The following DUSP22 variants were observed in gnomAD, a reference collection of about 807,000 sequenced individuals.
The protein encoded by DUSP22 is dual specificity phosphatase 22, also known as dual specificity protein phosphatase 22.
A neutral mutation model predicts 24.5 loss-of-function variants in DUSP22; 24 were observed. That is an observed-to-expected ratio of 0.98 (90% CI 0.71 to 1.38). The LOEUF (loss-of-function observed/expected upper bound fraction) is 1.38, where lower values mean the gene tolerates loss of function less well. Ranked by LOEUF, DUSP22 falls within the 40% of genes most tolerant of loss-of-function variation. The pLI, the probability that DUSP22 is intolerant of heterozygous loss-of-function variation, is 0.00. For synonymous variants in DUSP22, 160 were observed against 106.4 expected, an observed-to-expected ratio of 1.50 and a Z score of -3.10; for missense variants, 330 against 269.2, an observed-to-expected ratio of 1.23 and a Z score of -1.58.
rs1435450625 is a variant in DUSP22, at chr6:351,295, T to G, written c.*2344T>G. 1 of 191,294 alleles carries G rather than the reference T, an allele frequency of 5.2e-6. No individual in the cohort carries two copies. Among genetic ancestry groups the G allele is most frequent in the Non-Finnish European group, 1.1e-5 (1 of 92,876 alleles). The allele number at this position is 191,294 out of a possible 1,614,324, so 11.8% of individuals were successfully genotyped here. On this transcript the variant is annotated 3_prime_UTR_variant, in exon 7 of 7. Transcript: ENST00000419235. ...TTTTATCTCTGGTTTGTGTTCTCCG[T>G]GGTGGAATTGACCGAAAGCTCTATG...
intron 3 of DUSP22, among the ~76,000 whole-genome samples, chr6:316,182 A>G (rs1289398243): frequency 6.6e-6 from 1 of 152,304 alleles, no homozygotes; most frequent in Non-Finnish European, 1.5e-5. Flanking sequence ...TGGTTCTCAC[A>G]TCATCTGTCA....
chr6:307,657 C>T (rs1454928811), intron 2 of DUSP22, among the ~76,000 whole-genome samples: 3 of 152,298 alleles, frequency 2.0e-5, no homozygotes, highest in Admixed American at 1.3e-4. Context: ...GGCTTCCTTA[C>T]AACTTGGCAC....
intron 3 of DUSP22, among the ~76,000 whole-genome samples, chr6:323,822 T>C (rs1436895446): frequency 2.0e-5 from 3 of 152,304 alleles, no homozygotes; most frequent in Admixed American, 6.5e-5. Context: ...CGGGGTAGAA[T>C]AGGTACAAAT....
chr6:347,810 A>G (rs1759953263), intron 5 of DUSP22, among the ~76,000 whole-genome samples: 1 of 152,306 alleles, frequency 6.6e-6, no homozygotes, highest in African/African-American at 2.4e-5. Context: ...AATGGGAAAG[A>G]CCTGAGGAGG....
At chr6:337,509 A>G (rs1417802760) in intron 4 of DUSP22, among the ~76,000 whole-genome samples, 1 of 152,304 alleles carries the variant, frequency 6.6e-6, no homozygotes, top group Non-Finnish European at 1.5e-5. Flanking sequence ...CAGGGGAGAC[A>G]GAGATATGCC....
In DUSP22 at chr6:333,765, C is replaced by G. The variant is rs570117858; in HGVS notation, c.139-1349C>G. Among the ~76,000 whole-genome samples the G allele has an allele frequency of 3.9e-5, 6 of 152,408 alleles. No homozygotes were observed. In the East Asian group the frequency reaches 1.2e-3, roughly 29 times the overall value. ...ACCTGCCCCGCAAAGAGCATGTGCT[C>G]TGCCCCCGCCCTGCGCCCACGAAGC... On this transcript the variant is annotated intron_variant, in intron 3 of 6. Transcript: ENST00000419235.
At chr6:329,048 G>C (rs992541829) in intron 3 of DUSP22, among the ~76,000 whole-genome samples, 32 of 152,298 alleles carry the variant, frequency 2.1e-4, no homozygotes, top group Non-Finnish European at 4.4e-4. Flanking sequence ...CACGCACCGA[G>C]CTGGGCTGCC....
In DUSP22 at chr6:350,356, A is replaced by G. The variant is rs1760137376; in HGVS notation, c.*1405A>G. On this transcript the variant is annotated 3_prime_UTR_variant, in exon 7 of 7. Transcript: ENST00000419235. The stretch of plus-strand genomic sequence containing the variant: ...ACGCAATTCAGTGGTCTAGTCCTTT[A>G]TACCGACTCAGATTCCTTAAGCATG... The G allele has an allele frequency of 9.4e-7, 1 of 1,060,322 alleles. No individual in the cohort carries two copies. The highest frequency in any genetic ancestry group is 1.1e-6 in the Non-Finnish European group (1 of 876,058). The allele number at this position is 1,060,322 out of a possible 1,614,324, so 65.7% of individuals were successfully genotyped here.
intron 5 of DUSP22, among the ~76,000 whole-genome samples, chr6:347,021 G>C (rs1248104311): frequency 9.8e-5 from 15 of 152,416 alleles, no homozygotes; most frequent in Admixed American, 9.1e-4. Context: ...CTTTTTTAAA[G>C]AGTAGAAAGT....
chr6:294,189 A>G (rs993297270), intron 1 of DUSP22, among the ~76,000 whole-genome samples: 3 of 152,284 alleles, frequency 2.0e-5, no homozygotes, highest in Non-Finnish European at 4.4e-5. Flanking sequence ...TATACTTTTT[A>G]CCTTTCAAAA....
intron 3 of DUSP22, among the ~76,000 whole-genome samples, chr6:330,220 C>T (rs1054899129): frequency 1.3e-5 from 2 of 152,302 alleles, no homozygotes; most frequent in African/African-American, 4.8e-5. Flanking sequence ...TTATTAGCAG[C>T]CAAAATGACG....
Position 349,057 on chromosome 6 carries a change from G to T in DUSP22, c.*106G>T. ...TGAGGACAGGAAAGGGAGATAGCCA[G>T]GGCGAGGTGGGGCGAGGGCTCCTTC... On this transcript the variant is annotated 3_prime_UTR_variant, in exon 7 of 7. Transcript: ENST00000419235. 1 of 1,484,266 alleles carries T rather than the reference G, an allele frequency of 6.7e-7. No homozygotes were observed. The highest frequency in any genetic ancestry group is 8.9e-7 in the Non-Finnish European group (1 of 1,117,342). 91.9% of individuals were successfully genotyped at this position (1,484,266 alleles called of 1,614,324 possible).
rs147464089 is a variant in DUSP22, at chr6:348,266, G to T, written c.427G>T (p.Val143Phe). ...GCTCCAGGAGTTTGAGAAGCATGAG[G>T]TCCATCAGGTAAGCAGTTCTTAGGG... is the stretch of plus-strand genomic sequence containing the variant. ...RQLQEFEKHE[V>F]HQYRQWLKEE... The change falls in exon 6 of 7, where the codon GTC (valine) becomes TTC (phenylalanine). Residue 143 changes from valine to phenylalanine, a missense_variant. Val to Phe is a conservative substitution (Grantham distance 50). Transcript: ENST00000419235. 6.2e-7 allele frequency: 1 copy of T among 1,614,220 alleles called. No individual in the cohort carries two copies. Among genetic ancestry groups the T allele is most frequent in the Admixed American group, 1.7e-5 (1 of 60,032 alleles).
chr6:342,444 C>T (rs1174118493), intron 4 of DUSP22, among the ~76,000 whole-genome samples: 1 of 152,310 alleles, frequency 6.6e-6, no homozygotes, highest in African/African-American at 2.4e-5. Flanking sequence ...CAGTCAGCTG[C>T]CCCAGCCTGT....
chr6:348,154 C>G lies in DUSP22; in HGVS notation c.315C>G (p.Thr105=). 6.2e-7 allele frequency: 1 copy of G among 1,614,294 alleles called. No individual in the cohort carries two copies. The highest frequency in any genetic ancestry group is 8.5e-7 in the Non-Finnish European group (1 of 1,180,056). Reference sequence around the variant, plus strand: ...CACTGGTGATCGCATACATCATGACCGTCACTGACTTTGGCTGGGAGGATG... The same window carrying G: ...CACTGGTGATCGCATACATCATGACGGTCACTGACTTTGGCTGGGAGGATG... ...SVTLVIAYIM[T]VTDFGWEDAL... The change falls in exon 6 of 7, where the codon ACC becomes ACG. Residue 105 remains threonine (T), a synonymous_variant. Coordinates refer to ENST00000419235, the MANE Select transcript of DUSP22 (RefSeq NM_001286555.3).
At chr6:346,080 T>C (rs1370762075) in intron 5 of DUSP22, 152 bp downstream of exon 5, 4 of 990,338 alleles carry the variant, frequency 4.0e-6, no homozygotes, top group Admixed American at 2.7e-5. Flanking sequence ...TGTCCAGCGC[T>C]GTGTGTTAGT....
intron 3 of DUSP22, among the ~76,000 whole-genome samples, chr6:322,842 G>T (rs1312839775): frequency 1.5e-4 from 22 of 144,072 alleles, no homozygotes; most frequent in Middle Eastern, 3.5e-3. Flanking sequence ...GGGCGGGGGG[G>T]GGCCTTCGAG....
Position 350,460 on chromosome 6 carries a change from C to A in DUSP22, c.*1509C>A, listed in dbSNP as rs1453506060. The A allele has an allele frequency of 1.7e-5, 20 of 1,147,924 alleles. No individual in the cohort carries two copies. Among genetic ancestry groups the A allele is most frequent in the South Asian group, 2.3e-5 (1 of 43,268 alleles). The allele number at this position is 1,147,924 out of a possible 1,614,324, so 71.1% of individuals were successfully genotyped here. A position where few individuals can be genotyped will look rare whatever the true frequency, so the allele number is the denominator to read the frequency against. On this transcript the variant is annotated 3_prime_UTR_variant, in exon 7 of 7. Transcript: ENST00000419235. ...AACCCAGTTTCTCTGAATTCCACCA[C>A]AAAAAGAGACCCTGAATAAGAAGAG...
intron 1 of DUSP22, among the ~76,000 whole-genome samples, chr6:303,387 C>G (rs1469511415): frequency 1.3e-5 from 2 of 152,312 alleles, no homozygotes; most frequent in Non-Finnish European, 2.9e-5. Context: ...GAGACTAGCT[C>G]TGGGCCTAGC....
Sources: allele counts gnomAD v4.1 joint callset (sites outside exome capture counted in the v4.1 genomes callset), GRCh38; gene constraint gnomAD v4.1.1; transcripts MANE v1.5; gene names NCBI Gene and HGNC (gene_info 2026-07-23, HGNC 2026-07-21).